The following CHST9 variants were observed in gnomAD, a reference collection of about 807,000 sequenced individuals.
CHST9 encodes the protein GalNAc-4-sulfotransferase 2.
Under a neutral mutation model 44.4 loss-of-function variants are expected in CHST9, and 41 were observed. That is an observed-to-expected ratio of 0.92 (90% CI 0.72 to 1.20). The LOEUF (loss-of-function observed/expected upper bound fraction) is 1.20. CHST9 is among the 50% of genes most tolerant of loss of function. The pLI is 0.00. For synonymous variants in CHST9, 171 were observed against 178.4 expected (o/e 0.96, Z 0.33); for missense variants, 504 against 516.5 (o/e 0.98, Z 0.23).
chr18:27,004,706 A>G (rs994860541), intron 4 of CHST9, among the ~76,000 whole-genome samples: 1 of 152,178 alleles, frequency 6.6e-6, no homozygotes, highest in African/African-American at 2.4e-5. Flanking sequence ...TCGTAGTACA[A>G]ATGTGGCTGT....
intron 2 of CHST9, among the ~76,000 whole-genome samples, chr18:27,140,403 T>C (rs1280163603): frequency 6.6e-6 from 1 of 152,242 alleles, no homozygotes; most frequent in Non-Finnish European, 1.5e-5. Context: ...TATGGACACA[T>C]TTGGTAAACT....
Position 27,159,533 on chromosome 18 carries a change from C to A in CHST9, c.-96-16628G>T, listed in dbSNP as rs971538893. The stretch of plus-strand genomic sequence containing the variant: ...GTAGCCTTGTAGTATAGTTTGAAGT[C>A]AGGTAGCGTGATGCCTCCAGCTTTG... On this transcript the variant is annotated intron_variant, in intron 1 of 5. Coordinates refer to ENST00000618847, the MANE Select transcript of CHST9 (RefSeq NM_031422.6). 1.1e-4 allele frequency among the ~76,000 whole-genome samples: 16 copies of A among 152,156 alleles called. 1 individual carries two copies.
chr18:26,965,893 A>C (rs2056458574), intron 4 of CHST9, among the ~76,000 whole-genome samples: 1 of 152,198 alleles, frequency 6.6e-6, no homozygotes, highest in Non-Finnish European at 1.5e-5. Context: ...GGTGTCAAAG[A>C]AGTAGACATT....
intron 4 of CHST9, among the ~76,000 whole-genome samples, chr18:27,015,369 C>A (rs116821414): frequency 7.3e-6 from 1 of 136,746 alleles, no homozygotes; most frequent in Non-Finnish European, 1.5e-5. Flanking sequence ...GCAGGCACTA[C>A]GCATCCTTCG....
intron 2 of CHST9, among the ~76,000 whole-genome samples, chr18:27,109,525 G>A (rs2058251648): frequency 6.6e-6 from 1 of 152,226 alleles, no homozygotes; most frequent in Admixed American, 6.5e-5. Flanking sequence ...ACTACGCAAA[G>A]CGTTTGACTG....
intron 4 of CHST9, among the ~76,000 whole-genome samples, chr18:26,974,591 T>G (rs1786627): frequency 6.6e-6 from 1 of 151,994 alleles, no homozygotes; most frequent in Non-Finnish European, 1.5e-5. Flanking sequence ...GCTTTCAGAT[T>G]CTTCCATCAT....
At position 26,916,463 on chromosome 18, in the gene CHST9, A is replaced by G. The variant is rs190169602; in HGVS notation, c.1128T>C (p.Asp376=). The G allele has an allele frequency of 1.9e-6, 3 of 1,613,746 alleles. No individual in the cohort carries two copies. In the East Asian group the frequency reaches 6.7e-5, roughly 36 times the overall value. The change falls in exon 6 of 6, where the codon GAT becomes GAC. Residue 376 remains aspartate (D), a synonymous_variant. Transcript: ENST00000618847. ...CGATCATCTGTAAAAAGTAATTGGC[A>G]TCTTCTTCCAAAGTCTCAAATTTCC... is the stretch of plus-strand genomic sequence containing the variant. ...FVGKFETLEE[D]ANYFLQMIGA...
intron 4 of CHST9, among the ~76,000 whole-genome samples, chr18:27,006,655 C>A (rs1177273437): frequency 6.6e-6 from 1 of 152,202 alleles, no homozygotes; most frequent in African/African-American, 2.4e-5. Flanking sequence ...CATTTGCTTG[C>A]CTCCTCCACC....
intron 2 of CHST9, among the ~76,000 whole-genome samples, chr18:27,071,206 C>G (rs1397072821): frequency 6.6e-6 from 1 of 152,164 alleles, no homozygotes; most frequent in African/African-American, 2.4e-5. Context: ...GTTTCTCTTT[C>G]TCTAACTGGA....
At position 26,911,897 on chromosome 18, in the gene CHST9, T is replaced by G. The variant is rs1028456431; in HGVS notation, c.*4362A>C. 1 of 152,156 alleles carries G rather than the reference T, an allele frequency of 6.6e-6. No individual in the cohort carries two copies. The highest frequency in any genetic ancestry group is 1.5e-5 in the Non-Finnish European group (1 of 68,036). The allele number at this position is 152,156 out of a possible 1,614,324, so 9.4% of individuals were successfully genotyped here. On this transcript the variant is annotated 3_prime_UTR_variant, in exon 6 of 6. Transcript: ENST00000618847. ...CAGTCGGTTTAAGTCAGCTTGCTCCTCTATTCTTTTCTGCAGTCTTCCCGT... is the reference window on the plus strand; with the variant it reads ...CAGTCGGTTTAAGTCAGCTTGCTCCGCTATTCTTTTCTGCAGTCTTCCCGT...
At chr18:27,034,608 C>A (rs567158419) in intron 3 of CHST9, among the ~76,000 whole-genome samples, 1 of 152,178 alleles carries the variant, frequency 6.6e-6, no homozygotes, top group Non-Finnish European at 1.5e-5. Context: ...TCACCATGCT[C>A]CAGCCATGTC....
chr18:27,005,309 A>C (rs1464161352), intron 4 of CHST9, among the ~76,000 whole-genome samples: 1 of 152,216 alleles, frequency 6.6e-6, no homozygotes, highest in Non-Finnish European at 1.5e-5. Flanking sequence ...TTTAGGACTT[A>C]ATAAATGATA....
intron 2 of CHST9, among the ~76,000 whole-genome samples, chr18:27,126,391 G>A (rs567306754): frequency 6.6e-6 from 1 of 152,228 alleles, no homozygotes; most frequent in Non-Finnish European, 1.5e-5. Flanking sequence ...TGGTCTAGTG[G>A]GTTGAGTGTG....
intron 4 of CHST9, among the ~76,000 whole-genome samples, chr18:26,981,961 C>T (rs1278785914): frequency 2.6e-5 from 4 of 152,208 alleles, no homozygotes; most frequent in Admixed American, 2.0e-4. Context: ...CTCCCATCCT[C>T]CCCTTCCCAC....
chr18:27,183,961 G>A (rs942769807), intron 1 of CHST9, among the ~76,000 whole-genome samples: 3 of 152,158 alleles, frequency 2.0e-5, no homozygotes, highest in African/African-American at 7.2e-5. Context: ...ATGTGTATAT[G>A]TGAGTTGAAA....
At chr18:26,952,437 G>A in intron 4 of CHST9, 1 of 428,008 alleles carries the variant, frequency 2.3e-6, no homozygotes, top group Admixed American at 2.8e-5. Flanking sequence ...TTTTACCGGA[G>A]GGAAATCTTA....
intron 2 of CHST9, among the ~76,000 whole-genome samples, chr18:27,079,561 C>T (rs913286686): frequency 6.6e-6 from 1 of 152,002 alleles, no homozygotes; most frequent in African/African-American, 2.4e-5. Context: ...CATCCTAATA[C>T]CATATAGACG....
chr18:26,988,258 A>G (rs2056776886), intron 4 of CHST9, among the ~76,000 whole-genome samples: 1 of 152,204 alleles, frequency 6.6e-6, no homozygotes, highest in Non-Finnish European at 1.5e-5. Context: ...CAATTAAAAG[A>G]TATTTATGTT....
chr18:26,971,248 T>C (rs942332096), intron 4 of CHST9, among the ~76,000 whole-genome samples: 4 of 87,680 alleles, frequency 4.6e-5, no homozygotes, highest in Non-Finnish European at 9.3e-5. Context: ...ATGTCAGTCA[T>C]AGAACACTCA....
Sources: allele counts gnomAD v4.1 joint callset (sites outside exome capture counted in the v4.1 genomes callset), GRCh38; gene constraint gnomAD v4.1.1; transcripts MANE v1.5; gene names NCBI Gene and HGNC (gene_info 2026-07-23, HGNC 2026-07-21).